Variants in CRISP3 observed in about 807,000 individuals in gnomAD.
CRISP3 encodes cysteine rich secretory protein 3.
Under a neutral mutation model 36.1 loss-of-function variants are expected in CRISP3, and 33 were observed. That is an observed-to-expected ratio of 0.91 (90% CI 0.69 to 1.22). CRISP3 has a LOEUF of 1.22. Ranked by LOEUF, CRISP3 falls within the 50% of genes most tolerant of loss-of-function variation. CRISP3 has a pLI of 0.00. For missense variants in CRISP3, 330 were observed against 301.2 expected (o/e 1.10, Z -0.71); for synonymous variants, 117 against 104.6 (o/e 1.12, Z -0.72).
rs1769088580 is a variant in CRISP3 at position 49,737,510 on chromosome 6, T to C, written c.38-112A>G. On this transcript the variant is annotated intron_variant, in intron 1 of 7. Transcript: ENST00000263045. The stretch of plus-strand genomic sequence containing the variant: ...ATGACCTCCATTATCCCAAATTCAT[T>C]ATTAATGTAACAGGAGAAGACTTGT... 5.5e-6 allele frequency: 6 copies of C among 1,094,462 alleles called. No homozygotes were observed. In the Admixed American group the frequency reaches 1.2e-4, roughly 22 times the overall value. 67.8% of individuals were successfully genotyped at this position (1,094,462 alleles called of 1,614,324 possible). A position where few individuals can be genotyped will look rare whatever the true frequency, so the allele number is the denominator to read the frequency against.
chr6:49,743,474 G>A (rs1005207325), intron 1 of CRISP3, among the ~76,000 whole-genome samples: 4 of 152,092 alleles, frequency 2.6e-5, no homozygotes, highest in African/African-American at 9.7e-5. Context: ...AGGCAACACC[G>A]GATCTTCTAT....
chr6:49,730,681 T>A (rs1768892410), intron 7 of CRISP3, among the ~76,000 whole-genome samples: 1 of 152,168 alleles, frequency 6.6e-6, no homozygotes, highest in South Asian at 2.1e-4. Context: ...TTACATATGA[T>A]AACAGGCCAA....
intron 1 of CRISP3, among the ~76,000 whole-genome samples, chr6:49,739,667 C>T (rs1769150243): frequency 6.6e-6 from 1 of 152,140 alleles, no homozygotes; most frequent in South Asian, 2.1e-4. Context: ...CCCCACCTCT[C>T]CTCCCAAGGG....
intron 2 of CRISP3, 87 bp from the exon 3 acceptor site, chr6:49,736,594 C>T: frequency 1.0e-6 from 1 of 970,702 alleles, no homozygotes. Flanking sequence ...GGAACAAAGA[C>T]CATTTTTAAA....
In CRISP3 at chr6:49,728,829, A is replaced by C. The variant is rs750519433; in HGVS notation, c.678T>G (p.Tyr226Ter). The C allele has an allele frequency of 6.8e-6, 11 of 1,612,252 alleles. No homozygotes were observed. Among genetic ancestry groups the C allele is most frequent in the Non-Finnish European group, 8.5e-6 (10 of 1,179,030 alleles). Reference protein sequence around the residue: ...CTNGCKYEDLYSNCKSLKLTL... With the variant: ...CTNGCKYEDL ...TGAGCTTCAAACTTTTACAGTTACT[A>C]TAGAGATCTTCGTACTTGCAACCAT... is the stretch of plus-strand genomic sequence containing the variant. Residue 226 changes from tyrosine (Y) to a stop codon, truncating the protein, a stop_gained, in exon 8 of 8, where the codon TAT (tyrosine) becomes TAG (stop). Transcript: ENST00000263045. LOFTEE classifies it low-confidence loss of function (END_TRUNC).
Position 49,733,781 on chromosome 6 carries a change from G to A in CRISP3, c.384C>T (p.Ser128=), listed in dbSNP as rs1768974487. The change falls in exon 5 of 8, where the codon AGC becomes AGT. Residue 128 remains serine, a synonymous_variant. Transcript: ENST00000263045. ...CAAAATCATTGTACTCATCAAACCA[G>A]CTTTGGATTGCTTGTGACCATGAGC... ...ASSSWSQAIQ[S]WFDEYNDFDF... The A allele has an allele frequency of 2.5e-6, 4 of 1,613,586 alleles. No individual in the cohort carries two copies. Among genetic ancestry groups the A allele is most frequent in the East Asian group, 2.2e-5 (1 of 44,870 alleles).
intron 1 of CRISP3, among the ~76,000 whole-genome samples, chr6:49,739,636 C>T (rs548981794): frequency 5.7e-4 from 86 of 152,164 alleles, no homozygotes; most frequent in Non-Finnish European, 9.4e-4. Flanking sequence ...GACAGAGAGT[C>T]GCTGTAATAT....
At chr6:49,740,924 A>AC (rs1324282083) in intron 1 of CRISP3, among the ~76,000 whole-genome samples, 1 of 151,508 alleles carries the variant, frequency 6.6e-6, no homozygotes, top group African/African-American at 2.4e-5. Flanking sequence ...GCACGGTGAA[A>AC]CCCCATCTCT....
At position 49,733,348 on chromosome 6, in the gene CRISP3, A is replaced by C. The variant is rs1374832670; in HGVS notation, c.463-56T>G. ...ACATTAGAGAAGAAGGAAATACCAA[A>C]AAACAAATAGTAGGAAATACAAAAT... On this transcript the variant is annotated intron_variant, in intron 5 of 7. Coordinates refer to ENST00000263045, the MANE Select transcript of CRISP3 (RefSeq NM_006061.4). 3 of 1,173,204 alleles carry C rather than the reference A, an allele frequency of 2.6e-6. No individual in the cohort carries two copies. The Admixed American group carries it at 6.7e-5, about 26-fold the overall frequency. The allele number at this position is 1,173,204 out of a possible 1,614,324, so 72.7% of individuals were successfully genotyped here. A position where few individuals can be genotyped will look rare whatever the true frequency, so the allele number is the denominator to read the frequency against.
At position 49,727,641 on chromosome 6, in the gene CRISP3, G is replaced by T. The variant is rs1040924918; in HGVS notation, c.*1089C>A. The T allele has an allele frequency of 6.6e-6, 1 of 151,976 alleles. No homozygotes were observed. Among genetic ancestry groups the T allele is most frequent in the Non-Finnish European group, 1.5e-5 (1 of 67,986 alleles). 9.4% of individuals were successfully genotyped at this position (151,976 alleles called of 1,614,324 possible). The stretch of plus-strand genomic sequence containing the variant: ...CTGATCCAAGAAGCACATTGCATTT[G>T]GCTCACATGTCTCCTTAGTCTCATG... On this transcript the variant is annotated 3_prime_UTR_variant, in exon 8 of 8. Transcript: ENST00000263045.
chr6:49,734,501 C>G (rs919664210), intron 4 of CRISP3, among the ~76,000 whole-genome samples: 2 of 152,052 alleles, frequency 1.3e-5, no homozygotes, highest in African/African-American at 4.8e-5. Flanking sequence ...AACACTTTTT[C>G]AAGCCCTAAA....
At chr6:49,737,858 A>G (rs1390398371) in intron 1 of CRISP3, among the ~76,000 whole-genome samples, 2 of 152,140 alleles carry the variant, frequency 1.3e-5, no homozygotes, top group Non-Finnish European at 2.9e-5. Context: ...CATTTCTTCA[A>G]ATTAAAAGTT....
At chr6:49,733,597 C>A in intron 5 of CRISP3, 106 bp downstream of exon 5, 2 of 1,156,868 alleles carry the variant, frequency 1.7e-6, no homozygotes, top group Non-Finnish European at 2.4e-6. Context: ...ATTCTATATT[C>A]ACTTGAAATT....
rs1205366683 is a variant in CRISP3, at chr6:49,731,190, G to A, written c.622C>T (p.Pro208Ser). The A allele has an allele frequency of 6.2e-7, 1 of 1,610,076 alleles. No homozygotes were observed. The highest frequency in any genetic ancestry group is 2.2e-5 in the East Asian group (1 of 44,698). ...CATAGTCCATCGTCACAGTTATCTGGGCAACTGGCACAAGGTGCTCCTTGT... is the reference window on the plus strand; with the variant it reads ...CATAGTCCATCGTCACAGTTATCTGAGCAACTGGCACAAGGTGCTCCTTGT... ...YEQGAPCASC[P>S]DNCDDGLCTN... The change falls in exon 7 of 8, where the codon CCA (proline) becomes TCA (serine). Residue 208 changes from proline to serine, a missense_variant. Transcript: ENST00000263045.
chr6:49,737,849 A>G (rs1445018614), intron 1 of CRISP3, among the ~76,000 whole-genome samples: 1 of 152,162 alleles, frequency 6.6e-6, no homozygotes, highest in African/African-American at 2.4e-5. Flanking sequence ...CCTTATTAAC[A>G]TTTCTTCAAA....
At chr6:49,736,763 G>A (rs571628668) in intron 2 of CRISP3, among the ~76,000 whole-genome samples, 1 of 152,168 alleles carries the variant, frequency 6.6e-6, no homozygotes, top group South Asian at 2.1e-4. Flanking sequence ...TCTGGGTTAA[G>A]AGAGGTCTTA....
intron 1 of CRISP3, among the ~76,000 whole-genome samples, chr6:49,737,879 A>T (rs1188887789): frequency 1.3e-5 from 2 of 152,238 alleles, no homozygotes; most frequent in Non-Finnish European, 2.9e-5. Flanking sequence ...AGCATGTGCC[A>T]GTTCTTTTCC....
chr6:49,729,412 T>C (rs914849816), intron 7 of CRISP3, among the ~76,000 whole-genome samples: 1 of 152,210 alleles, frequency 6.6e-6, no homozygotes, highest in South Asian at 2.1e-4. Context: ...GTAATTATTA[T>C]AGGAAGATGT....
intron 1 of CRISP3, among the ~76,000 whole-genome samples, chr6:49,742,567 G>A (rs758081223): frequency 6.7e-6 from 1 of 150,282 alleles, no homozygotes; most frequent in Non-Finnish European, 1.5e-5. Context: ...AGGAGGTGGA[G>A]GTTGCAGCGA....
Sources: allele counts gnomAD v4.1 joint callset (sites outside exome capture counted in the v4.1 genomes callset), GRCh38; gene constraint gnomAD v4.1.1; transcripts MANE v1.5; gene names NCBI Gene and HGNC (gene_info 2026-07-23, HGNC 2026-07-21).